Variants in SMARCA4 observed in about 807,000 individuals in gnomAD.
SMARCA4 encodes the protein SWI/SNF related BAF chromatin remodeling complex subunit ATPase 4, also known as SWI/SNF-related matrix-associated actin-dependent regulator of chromatin subfamily A member 4.
SMARCA4 carries 31 observed loss-of-function variants against 193.9 expected under a neutral mutation model. The observed-to-expected ratio is 0.16, with a 90% confidence interval of 0.12 to 0.22. SMARCA4 has a LOEUF of 0.22. SMARCA4 is among the 10% of genes least tolerant of loss of function. The pLI is 1.00. For missense variants in SMARCA4, 1,148 were observed against 2,296.0 expected (o/e 0.50, Z 10.22); for synonymous variants, 942 against 933.1 (o/e 1.01, Z -0.17).
rs763248514 is a variant in SMARCA4, at chr19:11,030,737, G to A, written c.3390G>A (p.Thr1130=). The A allele has an allele frequency of 8.1e-6, 13 of 1,611,472 alleles. No homozygotes were observed. In the Admixed American group the frequency reaches 1.5e-4, roughly 19 times the overall value. Residue 1130 remains threonine, a synonymous_variant, in exon 25 of 35, where the codon ACG becomes ACA. Coordinates refer to ENST00000344626, the MANE Select transcript of SMARCA4 (RefSeq NM_003072.5). The surrounding 1 kb of genome is among the most constrained non-coding windows in gnomAD (Gnocchi z 5.5). ...GFKYLRLDGT[T]KAEDRGMLLK... is the part of the protein sequence containing the mutation. ...CTCCTCTGTGCCCGTCAGGAACCAC[G>A]AAGGCGGAGGACCGGGGCATGCTGC... is the stretch of plus-strand genomic sequence containing the variant.
chr19:10,965,953 G>C (rs923955708), intron 1 of SMARCA4, among the ~76,000 whole-genome samples: 1 of 144,906 alleles, frequency 6.9e-6, no homozygotes, highest in Non-Finnish European at 1.5e-5. Context: ...AAAAGGGAGA[G>C]TGTGTTTAGT....
At position 11,003,378 on chromosome 19, in the gene SMARCA4, G is replaced by A. The variant is rs367689657; in HGVS notation, c.1982G>A (p.Gly661Asp). The change falls in exon 13 of 35, where the codon GGC becomes GAC. Residue 661 changes from glycine (G) to aspartate (D), a missense_variant. Physicochemically the swap from Gly to Asp is moderately conservative, Grantham distance 94 (BLOSUM62 -1). This residue lies in a region of SMARCA4 where 115 missense variants were observed against 175.1 expected (regional missense o/e 0.66). Coordinates refer to ENST00000344626, the MANE Select transcript of SMARCA4 (RefSeq NM_003072.5). Reference protein sequence around the residue: ...VAPRSDSEESGSEEEEEEEEE... With the variant: ...VAPRSDSEESDSEEEEEEEEE... ...CCGAGGTCTGATAGTGAAGAAAGTG[G>A]CTCAGAAGAAGAGGAAGAGGTAAGA... 3.7e-6 allele frequency: 6 copies of A among 1,614,038 alleles called. No homozygotes were observed. Among genetic ancestry groups the A allele is most frequent in the Non-Finnish European group, 5.1e-6 (6 of 1,179,988 alleles).
intron 22 of SMARCA4, 79 bp from the exon 23 acceptor site, chr19:11,026,221 C>T (rs553023558): frequency 2.5e-4 from 286 of 1,129,580 alleles, no homozygotes; most frequent in Non-Finnish European, 3.5e-4. Context: ...CCTCTGAGCA[C>T]GAGCGGTGTG....
rs757889804 is a variant in SMARCA4 at position 11,058,856 on chromosome 19, G to A, written c.4602G>A (p.Gln1534=). 3.7e-6 allele frequency: 6 copies of A among 1,614,134 alleles called. No homozygotes were observed. The highest frequency in any genetic ancestry group is 5.1e-6 in the Non-Finnish European group (6 of 1,180,016). ...AGAAGGACGTCATGCTCCTGTGCCA[G>A]AACGCACAGACCTTCAACCTGGAGG... ...DLEKDVMLLC[Q]NAQTFNLEGS... The change falls in exon 32 of 35, where the codon CAG becomes CAA. Residue 1534 remains glutamine (Q), a synonymous_variant. Transcript: ENST00000344626. The surrounding 1 kb of genome is among the most constrained non-coding windows in gnomAD (Gnocchi z 5.8).
chr19:10,966,936 G>A (rs1219503259), intron 1 of SMARCA4, among the ~76,000 whole-genome samples: 1 of 152,018 alleles, frequency 6.6e-6, no homozygotes, highest in Non-Finnish European at 1.5e-5. Flanking sequence ...AACAGCTGCT[G>A]GAATACTGGG....
rs777131262 is a variant in SMARCA4, at chr19:10,987,656, C to G, written c.860-10C>G. On this transcript the variant is annotated splice_polypyrimidine_tract_variant and intron_variant, in intron 5 of 34. Transcript: ENST00000344626. This position sits in a 1 kb window ranked among gnomAD's most constrained non-coding sequence, Gnocchi z 5.3. ...TCAACATGACGCCCTGGCCCCTTGC[C>G]TTCTCCCAGGACCCATGGCGAATGC... 4.3e-6 allele frequency: 7 copies of G among 1,613,094 alleles called. No individual in the cohort carries two copies. Among genetic ancestry groups the G allele is most frequent in the Non-Finnish European group, 5.9e-6 (7 of 1,179,794 alleles).
At chr19:10,968,347 AC>A (rs1334161986) in intron 1 of SMARCA4, among the ~76,000 whole-genome samples, 1 of 151,482 alleles carries the variant, frequency 6.6e-6, no homozygotes, top group Admixed American at 6.6e-5. Flanking sequence ...GGACTCTGTT[AC>A]CTCCCTAAAG....
In SMARCA4 at chr19:10,987,195, C is replaced by T. The variant is rs1029251511; in HGVS notation, c.859+192C>T. Among the ~76,000 whole-genome samples the T allele has an allele frequency of 1.3e-5, 2 of 152,224 alleles. No individual in the cohort carries two copies. Among genetic ancestry groups the T allele is most frequent in the African/African-American group, 4.8e-5 (2 of 41,446 alleles). On this transcript the variant is annotated intron_variant, in intron 5 of 34. Coordinates refer to ENST00000344626, the MANE Select transcript of SMARCA4 (RefSeq NM_003072.5). The surrounding 1 kb of genome is among the most constrained non-coding windows in gnomAD (Gnocchi z 5.3). Reference sequence around the variant, plus strand: ...TTCCCAAAGGCTGTCGTTCATCCCTCCTCTGACAGCTTGTGGCCTTCACCC... The same window carrying T: ...TTCCCAAAGGCTGTCGTTCATCCCTTCTCTGACAGCTTGTGGCCTTCACCC...
Position 11,033,951 on chromosome 19 carries a change from C to G in SMARCA4, c.3873+86C>G. The G allele has an allele frequency of 1.3e-6, 1 of 745,488 alleles. No homozygotes were observed. Among genetic ancestry groups the G allele is most frequent in the Non-Finnish European group, 2.5e-6 (1 of 406,660 alleles). 46.2% of individuals were successfully genotyped at this position (745,488 alleles called of 1,614,324 possible). On this transcript the variant is annotated intron_variant, in intron 27 of 34. Transcript: ENST00000344626. The surrounding 1 kb of genome is among the most constrained non-coding windows in gnomAD (Gnocchi z 9.8). ...CAGCAAGGGCCCTGGTCCCACGGAG[C>G]GTGCGTGTGCGTGTGCGTGTGTGTG... is the stretch of plus-strand genomic sequence containing the variant.
chr19:11,000,397 G>A (rs557225047), intron 11 of SMARCA4, among the ~76,000 whole-genome samples: 94 of 151,896 alleles, frequency 6.2e-4, no homozygotes, highest in African/African-American at 1.9e-3. Flanking sequence ...GGCTTGGTGC[G>A]CACGCCTGTA....
At chr19:11,061,100 C>T (rs2147140079) in intron 34 of SMARCA4, among the ~76,000 whole-genome samples, 1 of 150,866 alleles carries the variant, frequency 6.6e-6, no homozygotes, top group Admixed American at 6.6e-5. Flanking sequence ...AGGCAGGAGG[C>T]TCACTTGAGC....
Position 11,033,448 on chromosome 19 carries a change from C to T in SMARCA4, c.3705C>T (p.Asp1235=), listed in dbSNP as rs767509978. Residue 1235 remains aspartate, a synonymous_variant, in exon 26 of 35, where the codon GAC becomes GAT. Transcript: ENST00000344626. The surrounding 1 kb of genome is among the most constrained non-coding windows in gnomAD (Gnocchi z 9.8). ...AGGTGATCCAGGCCGGCATGTTCGA[C>T]CAGAAGTCCTCCAGCCATGAGCGGC... ...DQKVIQAGMF[D]QKSSSHERRA... 6.2e-7 allele frequency: 1 copy of T among 1,613,378 alleles called. No homozygotes were observed. Among genetic ancestry groups the T allele is most frequent in the East Asian group, 2.2e-5 (1 of 44,886 alleles).
intron 24 of SMARCA4, among the ~76,000 whole-genome samples, chr19:11,028,564 G>A (rs1225900196): frequency 1.3e-5 from 2 of 152,218 alleles, no homozygotes; most frequent in East Asian, 1.9e-4. Context: ...TGGTGAGCAC[G>A]GAGGGAGGGA....
chr19:11,030,015 C>T lies in SMARCA4; in HGVS notation c.3383-715C>T, dbSNP rs989802028. Among the ~76,000 whole-genome samples the T allele has an allele frequency of 4.6e-5, 7 of 152,090 alleles. No individual in the cohort carries two copies. The highest frequency in any genetic ancestry group is 7.4e-5 in the Non-Finnish European group (5 of 68,010). On this transcript the variant is annotated intron_variant, in intron 24 of 34. Transcript: ENST00000344626. The surrounding 1 kb of genome is among the most constrained non-coding windows in gnomAD (Gnocchi z 5.5). ...TCATCACCAAAATGACTTCAGTGTTCAGGGGCACCTCTGTCCGAACTCCCA... is the reference window on the plus strand; with the variant it reads ...TCATCACCAAAATGACTTCAGTGTTTAGGGGCACCTCTGTCCGAACTCCCA...
At chr19:11,042,142 C>T (rs755989266) in intron 30 of SMARCA4, among the ~76,000 whole-genome samples, 8 of 152,218 alleles carry the variant, frequency 5.3e-5, no homozygotes, top group Non-Finnish European at 8.8e-5. Context: ...GCCTGGAGAT[C>T]GCTGTCCTCA....
rs1046867371 is a variant in SMARCA4 at position 11,027,717 on chromosome 19, C to T, written c.3216-67C>T. 9 of 1,585,726 alleles carry T rather than the reference C, an allele frequency of 5.7e-6. No homozygotes were observed. In the African/African-American group the frequency reaches 1.1e-4, roughly 19 times the overall value. On this transcript the variant is annotated intron_variant, in intron 23 of 34. Coordinates refer to ENST00000344626, the MANE Select transcript of SMARCA4 (RefSeq NM_003072.5). The stretch of plus-strand genomic sequence containing the variant: ...TGGAGGCGGGCGATGCACCTCCTGC[C>T]TTACCTGCCTGCAGGGTTCCAGGTT...
intron 29 of SMARCA4, among the ~76,000 whole-genome samples, chr19:11,039,158 A>G (rs1205743127): frequency 6.6e-6 from 1 of 152,236 alleles, no homozygotes; most frequent in Non-Finnish European, 1.5e-5. Flanking sequence ...GCTCAAGACC[A>G]GCCTGGCCAA....
intron 11 of SMARCA4, among the ~76,000 whole-genome samples, chr19:10,998,475 T>A (rs1349913393): frequency 6.6e-6 from 1 of 151,776 alleles, no homozygotes; most frequent in African/African-American, 2.4e-5. Flanking sequence ...TTGTAACTCC[T>A]CAGAATTCCA....
intron 1 of SMARCA4, among the ~76,000 whole-genome samples, chr19:10,962,661 G>C (rs1304419648): frequency 6.6e-6 from 1 of 152,130 alleles, no homozygotes; most frequent in Non-Finnish European, 1.5e-5. Context: ...TCCTGCCTCA[G>C]CCTCCTGAGT....
Sources: allele counts gnomAD v4.1 joint callset (sites outside exome capture counted in the v4.1 genomes callset), GRCh38; gene constraint gnomAD v4.1.1; regional missense constraint gnomAD v4.1.1; non-coding constraint Gnocchi (gnomAD v3.1); transcripts MANE v1.5; gene names NCBI Gene and HGNC (gene_info 2026-07-23, HGNC 2026-07-21).